Variants in SYNE1 observed in about 807,000 individuals in gnomAD.
SYNE1 encodes spectrin repeat containing nuclear envelope protein 1.
In SYNE1, 616 loss-of-function variants were observed where a neutral mutation model predicts 1,111.0. The ratio of observed to expected loss-of-function variants is 0.55; its 90% CI spans 0.52 to 0.59. The LOEUF is 0.59. Among genes scored for constraint, SYNE1 ranks in the 20% least tolerant of loss-of-function variants. The probability of loss-of-function intolerance (pLI) is 0.00; values close to 1 mark genes in which losing one functional copy is unlikely to be tolerated. For synonymous variants in SYNE1, 3,855 were observed against 3,825.8 expected, an observed-to-expected ratio of 1.01 and a Z score of -0.28; for missense variants, 10,006 against 10,417.0, an observed-to-expected ratio of 0.96 and a Z score of 1.72.
At chr6:152,144,669 C>A (rs1359157530) in intron 137 of SYNE1, 1 of 152,642 alleles carries the variant, frequency 6.6e-6, no homozygotes, top group African/African-American at 2.4e-5. Context: ...ATCACCCTCT[C>A]AGTAATGTTA....
At chr6:152,235,419 T>C (rs1477851792) in intron 110 of SYNE1, among the ~76,000 whole-genome samples, 1 of 152,152 alleles carries the variant, frequency 6.6e-6, no homozygotes, top group Non-Finnish European at 1.5e-5. Flanking sequence ...TGGAGTGCAA[T>C]GGCGCAATCT....
chr6:152,460,201 T>C (rs544438187), intron 21 of SYNE1, among the ~76,000 whole-genome samples: 2 of 152,336 alleles, frequency 1.3e-5, no homozygotes, highest in South Asian at 4.1e-4. Flanking sequence ...CCCTGAAAGC[T>C]GCTGGGGAGT....
chr6:152,552,875 C>T (rs1337778539), intron 3 of SYNE1, among the ~76,000 whole-genome samples: 2 of 152,144 alleles, frequency 1.3e-5, no homozygotes, highest in African/African-American at 4.8e-5. Context: ...AACCTGTGGC[C>T]ACCGCGGCAG....
At chr6:152,232,414 G>T (rs1436303667) in intron 112 of SYNE1, 149 bp from the exon 113 acceptor site, 4 of 878,102 alleles carry the variant, frequency 4.6e-6, no homozygotes, top group Non-Finnish European at 7.3e-6. Flanking sequence ...CTTTCTGAAA[G>T]CTTGAAGTTA....
chr6:152,486,411 C>T (rs1029512029), intron 12 of SYNE1, among the ~76,000 whole-genome samples: 3 of 152,240 alleles, frequency 2.0e-5, no homozygotes, highest in Non-Finnish European at 4.4e-5. Flanking sequence ...GACTCTAAAC[C>T]CATTTTTATG....
intron 96 of SYNE1, among the ~76,000 whole-genome samples, chr6:152,282,224 T>C (rs1048187423): frequency 4.6e-5 from 7 of 152,170 alleles, no homozygotes; most frequent in African/African-American, 1.7e-4. Context: ...TTGAACAAGG[T>C]ATTCTCAAAT....
chr6:152,592,827 C>G (rs140927630), intron 3 of SYNE1, among the ~76,000 whole-genome samples: 4 of 152,164 alleles, frequency 2.6e-5, no homozygotes, highest in Non-Finnish European at 2.9e-5. Context: ...TCATATCACA[C>G]CTTATATAAT....
At chr6:152,578,070 G>T (rs2099506532) in intron 3 of SYNE1, among the ~76,000 whole-genome samples, 1 of 151,914 alleles carries the variant, frequency 6.6e-6, no homozygotes, top group South Asian at 2.1e-4. Flanking sequence ...TAGCAAAAAT[G>T]GTTTTTTTTG....
intron 120 of SYNE1, 46 bp downstream of exon 120, chr6:152,218,957 T>G: frequency 1.3e-6 from 2 of 1,583,898 alleles, no homozygotes; most frequent in Non-Finnish European, 1.7e-6. Flanking sequence ...GCCCAGATAT[T>G]AGAGAACAGC....
chr6:152,135,887 T>G (rs960118017), intron 141 of SYNE1, among the ~76,000 whole-genome samples: 18 of 152,170 alleles, frequency 1.2e-4, no homozygotes, highest in African/African-American at 4.3e-4. Context: ...CTCCTCAGTC[T>G]TTCTTCTCAC....
At chr6:152,347,542 T>C (rs1014415711) in intron 72 of SYNE1, among the ~76,000 whole-genome samples, 1 of 152,132 alleles carries the variant, frequency 6.6e-6, no homozygotes. Flanking sequence ...GACAAAAAGA[T>C]GTCCCTATAT....
intron 21 of SYNE1, 64 bp from the exon 22 acceptor site, chr6:152,458,994 T>C: frequency 7.1e-7 from 1 of 1,412,588 alleles, no homozygotes; most frequent in Non-Finnish European, 1.0e-6. Flanking sequence ...TCAGGGAACG[T>C]TCATAGCTCT....
chr6:152,528,209 A>G (rs965163047), intron 4 of SYNE1, among the ~76,000 whole-genome samples: 10 of 152,140 alleles, frequency 6.6e-5, no homozygotes, highest in Non-Finnish European at 8.8e-5. Flanking sequence ...CTGCTTATAC[A>G]TGACTCTTAA....
intron 3 of SYNE1, among the ~76,000 whole-genome samples, chr6:152,594,709 C>G (rs1318341846): frequency 6.6e-6 from 1 of 152,206 alleles, no homozygotes; most frequent in Non-Finnish European, 1.5e-5. Flanking sequence ...TTTCCCAACT[C>G]TCTTGTACAA....
intron 55 of SYNE1, chr6:152,381,659 T>C: frequency 2.3e-6 from 1 of 439,712 alleles, no homozygotes; most frequent in Non-Finnish European, 4.2e-6. Flanking sequence ...GTGACTCAAG[T>C]GTTTGCCTGT....
At chr6:152,232,870 T>C (rs2153520132) in intron 112 of SYNE1, among the ~76,000 whole-genome samples, 1 of 152,360 alleles carries the variant, frequency 6.6e-6, no homozygotes, top group African/African-American at 2.4e-5. Flanking sequence ...AATCTTTGTA[T>C]ATCAACTTCT....
At chr6:152,189,559 C>G (rs1000230392) in intron 127 of SYNE1, 152 bp from the exon 128 acceptor site, 1 of 746,548 alleles carries the variant, frequency 1.3e-6, no homozygotes, top group Non-Finnish European at 2.2e-6. Flanking sequence ...GGCAATATTA[C>G]AGATTTGGTT....
intron 24 of SYNE1, 37 bp from the exon 25 acceptor site, chr6:152,453,757 C>G: frequency 6.2e-7 from 1 of 1,613,902 alleles, no homozygotes; most frequent in Non-Finnish European, 8.5e-7. Flanking sequence ...GAGTGTTGGA[C>G]AGACGAAAAG....
intron 52 of SYNE1, 34 bp downstream of exon 52, chr6:152,391,243 G>T (rs367981643): frequency 1.2e-6 from 2 of 1,612,678 alleles, no homozygotes; most frequent in Non-Finnish European, 1.7e-6. Context: ...TTAGCATTCA[G>T]CAGTTGTCAG....
Sources: gnomAD v4.1 joint callset for allele counts (sites outside exome capture counted in the v4.1 genomes callset) on GRCh38, gnomAD v4.1.1 for gene constraint, MANE v1.5 for transcripts, NCBI Gene and HGNC (gene_info 2026-07-23, HGNC 2026-07-21) for gene names.